The following CHRNB1 variants were observed in gnomAD, a reference collection of about 807,000 sequenced individuals.
The protein encoded by CHRNB1 is cholinergic receptor nicotinic beta 1 subunit.
CHRNB1 carries 47 observed loss-of-function variants against 53.8 expected under a neutral mutation model. The ratio of observed to expected loss-of-function variants is 0.87; its 90% confidence interval spans 0.69 to 1.11. CHRNB1 has a LOEUF of 1.11. Among genes scored for constraint, CHRNB1 ranks in the 50% most tolerant of loss-of-function variants. The probability of loss-of-function intolerance (pLI) is 0.00; values close to 1 mark genes in which losing one functional copy is unlikely to be tolerated. For synonymous variants in CHRNB1, 259 were observed against 263.5 expected, an observed-to-expected ratio of 0.98 and a Z score of 0.16; for missense variants, 605 against 654.9, an observed-to-expected ratio of 0.92 and a Z score of 0.83.
At chr17:7,453,571 CA>C (rs556911505) in intron 7 of CHRNB1, among the ~76,000 whole-genome samples, 194 of 147,178 alleles carry the variant, frequency 1.3e-3, no homozygotes, top group African/African-American at 4.5e-3. Context: ...ATGGCCCTTC[CA>C]AAAGCCTGTC....
intron 9 of CHRNB1, 69 bp downstream of exon 9, chr17:7,455,525 A>C: frequency 2.5e-6 from 4 of 1,586,518 alleles, no homozygotes; most frequent in Non-Finnish European, 3.5e-6. Flanking sequence ...AGTGTGCGGA[A>C]GAAGCGGCCC....
intron 3 of CHRNB1, 180 bp from the exon 4 acceptor site, chr17:7,446,653 T>C: frequency 1.6e-6 from 1 of 609,282 alleles, no homozygotes; most frequent in Non-Finnish European, 2.9e-6. Flanking sequence ...GGAGGGAAAT[T>C]AGCTGATGTG....
intron 3 of CHRNB1, 22 bp downstream of exon 3, chr17:7,446,135 G>C: frequency 1.2e-6 from 2 of 1,606,214 alleles, no homozygotes; most frequent in Admixed American, 3.3e-5. Flanking sequence ...CCACGGGGTG[G>C]GAAAGGGCTT....
In CHRNB1 at chr17:7,448,724, C is replaced by T. The variant is rs754596731; in HGVS notation, c.756C>T (p.Val252=). Residue 252 remains valine (V), a synonymous_variant, in exon 7 of 11, where the codon GTC becomes GTT. Transcript: ENST00000306071. ...AGCCTCTCTTCTACCTGGTCAACGT[C>T]ATTGCCCCATGCATCCTCATCACTC... is the stretch of plus-strand genomic sequence containing the variant. The part of the protein sequence containing the change: ...RRKPLFYLVN[V]IAPCILITLL... 20 of 1,614,166 alleles carry T rather than the reference C, an allele frequency of 1.2e-5. No individual in the cohort carries two copies. The highest frequency in any genetic ancestry group is 1.6e-5 in the Non-Finnish European group (19 of 1,180,064).
rs748537533 is a variant in CHRNB1, at chr17:7,445,148, G to A, written c.21G>A (p.Leu7=). The A allele has an allele frequency of 6.2e-7, 1 of 1,609,606 alleles. No individual in the cohort carries two copies. The highest frequency in any genetic ancestry group is 8.5e-7 in the Non-Finnish European group (1 of 1,179,616). The part of the protein sequence containing the change: MTPGAL[L]MLLGALGAPL... ...AGGCTATGACCCCAGGGGCTCTGCT[G>A]ATGCTGCTGGGGGCGCTGGGGGCGC... The change falls in exon 1 of 11, where the codon CTG becomes CTA. Residue 7 remains leucine (L), a synonymous_variant. Transcript: ENST00000306071. The surrounding 1 kb of genome is among the most constrained non-coding windows in gnomAD (Gnocchi z 5.7).
intron 9 of CHRNB1, 137 bp downstream of exon 9, chr17:7,455,593 C>G (rs532600013): frequency 1.6e-6 from 2 of 1,262,486 alleles, no homozygotes; most frequent in Non-Finnish European, 2.3e-6. Flanking sequence ...TCCTGCTGCT[C>G]ACTTTGAGGG....
intron 7 of CHRNB1, among the ~76,000 whole-genome samples, chr17:7,453,848 C>T (rs1288637660): frequency 6.6e-6 from 1 of 151,552 alleles, no homozygotes; most frequent in Non-Finnish European, 1.5e-5. Flanking sequence ...ATCACTTGAG[C>T]TCAGGAGTTT....
At chr17:7,451,644 C>T (rs986127444) in intron 7 of CHRNB1, among the ~76,000 whole-genome samples, 6 of 152,100 alleles carry the variant, frequency 3.9e-5, no homozygotes, top group Non-Finnish European at 7.4e-5. Context: ...ATGCACAGCT[C>T]TGCCAGGTGC....
At chr17:7,451,274 C>CTTTT (rs34769424) in intron 7 of CHRNB1, among the ~76,000 whole-genome samples, 138 of 91,982 alleles carry the variant, frequency 1.5e-3, no homozygotes, top group African/African-American at 2.1e-3. Flanking sequence ...CTTTTCTTTT[C>CTTTT]TTTTTTTTTT....
rs756024598 is a variant in CHRNB1 at position 7,448,759 on chromosome 17, T to C, written c.791T>C (p.Ile264Thr). 1.2e-6 allele frequency: 2 copies of C among 1,614,228 alleles called. No homozygotes were observed. The highest frequency in any genetic ancestry group is 4.5e-5 in the East Asian group (2 of 44,892). Residue 264 changes from isoleucine (I) to threonine (T), a missense_variant, in exon 7 of 11, where the codon ATC becomes ACC. Coordinates refer to ENST00000306071, the MANE Select transcript of CHRNB1 (RefSeq NM_000747.3). ...TGCATCCTCATCACTCTTCTGGCCA[T>C]CTTCGTCTTCTACCTGCCACCAGAT... The part of the protein sequence containing the change: ...APCILITLLA[I>T]FVFYLPPDAG...
chr17:7,453,168 A>G (rs1597753620), intron 7 of CHRNB1, among the ~76,000 whole-genome samples: 1 of 152,306 alleles, frequency 6.6e-6, no homozygotes, highest in East Asian at 1.9e-4. Context: ...CCCAGGCTGG[A>G]GTGCAATGGC....
At chr17:7,447,699 C>T (rs1353662797) in intron 6 of CHRNB1, 49 bp downstream of exon 6, 1 of 1,608,142 alleles carries the variant, frequency 6.2e-7, no homozygotes, top group Non-Finnish European at 8.5e-7. Context: ...TTTCCAGCTT[C>T]TAACAGACTC....
intron 7 of CHRNB1, among the ~76,000 whole-genome samples, chr17:7,449,179 C>G (rs1440767678): frequency 6.6e-6 from 1 of 150,698 alleles, no homozygotes; most frequent in African/African-American, 2.4e-5. Context: ...TCTCGGCTCA[C>G]TGCAAGCTCT....
Position 7,446,860 on chromosome 17 carries a change from G to A in CHRNB1, c.271G>A (p.Asp91Asn), listed in dbSNP as rs755732708. The A allele has an allele frequency of 3.2e-5, 52 of 1,613,856 alleles. No individual in the cohort carries two copies. In the South Asian group the frequency reaches 5.7e-4, roughly 18 times the overall value. ...GTGGACTGACTACAGGCTGAGCTGG[G>A]ACCCTGCGGAGCACGACGGCATCGA... is the stretch of plus-strand genomic sequence containing the variant. ...LEWTDYRLSWDPAEHDGIDSL... is the reference protein window; with the variant it reads ...LEWTDYRLSWNPAEHDGIDSL... The change falls in exon 4 of 11, where the codon GAC becomes AAC. Residue 91 changes from aspartate to asparagine, a missense_variant. Physicochemically the swap from Asp to Asn is conservative, Grantham distance 23. Coordinates refer to ENST00000306071, the MANE Select transcript of CHRNB1 (RefSeq NM_000747.3).
At chr17:7,455,677 A>C in intron 9 of CHRNB1, 117 bp from the exon 10 acceptor site, 1 of 1,428,006 alleles carries the variant, frequency 7.0e-7, no homozygotes. Flanking sequence ...AGGGAAAAGC[A>C]TGATGGGCTC....
intron 5 of CHRNB1, 129 bp downstream of exon 5, chr17:7,447,280 C>G (rs1908679616): frequency 1.1e-6 from 1 of 935,818 alleles, no homozygotes; most frequent in South Asian, 1.4e-5. Context: ...ACCCTCACCT[C>G]GTCTACCCTC....
rs1908571592 is a variant in CHRNB1 at position 7,445,542 on chromosome 17, G to A, written c.198+133G>A. On this transcript the variant is annotated intron_variant, in intron 2 of 10. Transcript: ENST00000306071. The surrounding 1 kb of genome is among the most constrained non-coding windows in gnomAD (Gnocchi z 5.7). ...AGGCTGAGATGGACCAGCCTTTGGT[G>A]AAGATTGGATCGAAATCAGACCAAT... 1 of 1,518,520 alleles carries A rather than the reference G, an allele frequency of 6.6e-7. No individual in the cohort carries two copies. Among genetic ancestry groups the A allele is most frequent in the Non-Finnish European group, 8.8e-7 (1 of 1,137,272 alleles). The allele number at this position is 1,518,520 out of a possible 1,614,324, so 94.1% of individuals were successfully genotyped here.
In CHRNB1 at chr17:7,454,515, C is replaced by T. The variant is rs201913823; in HGVS notation, c.1039C>T (p.Arg347Cys). 4.0e-5 allele frequency: 65 copies of T among 1,613,760 alleles called. No homozygotes were observed. In the Middle Eastern group the frequency reaches 9.9e-4, roughly 25 times the overall value. Reference protein sequence around the residue: ...PHTHQMPLWVRQIFIHKLPLY... With the variant: ...PHTHQMPLWVCQIFIHKLPLY... Reference sequence around the variant, plus strand: ...CACCCACCAAATGCCCCTTTGGGTCCGTCAGGTAAGAAAGATCTCCTCCTC... The same window carrying T: ...CACCCACCAAATGCCCCTTTGGGTCTGTCAGGTAAGAAAGATCTCCTCCTC... The change falls in exon 8 of 11, where the codon CGT becomes TGT. Residue 347 changes from arginine to cysteine, a missense_variant. Physicochemically the swap from Arg to Cys is radical, Grantham distance 180 (BLOSUM62 -3). Transcript: ENST00000306071.
At position 7,445,435 on chromosome 17, in the gene CHRNB1, C is replaced by T. The variant is rs1442228487; in HGVS notation, c.198+26C>T. Reference sequence around the variant, plus strand: ...GTGAGGGCGCGCGGGGGGTGGAGGTCAGGCCAGCCGACCGGCCGGGGGCGT... The same window carrying T: ...GTGAGGGCGCGCGGGGGGTGGAGGTTAGGCCAGCCGACCGGCCGGGGGCGT... On this transcript the variant is annotated intron_variant, in intron 2 of 10. Coordinates refer to ENST00000306071, the MANE Select transcript of CHRNB1 (RefSeq NM_000747.3). The surrounding 1 kb of genome is among the most constrained non-coding windows in gnomAD (Gnocchi z 5.7). 6.2e-7 allele frequency: 1 copy of T among 1,606,360 alleles called. No individual in the cohort carries two copies. Among genetic ancestry groups the T allele is most frequent in the Non-Finnish European group, 8.5e-7 (1 of 1,178,038 alleles).
Sources: allele counts gnomAD v4.1 joint callset (sites outside exome capture counted in the v4.1 genomes callset), GRCh38; gene constraint gnomAD v4.1.1; non-coding constraint Gnocchi (gnomAD v3.1); transcripts MANE v1.5; gene names NCBI Gene and HGNC (gene_info 2026-07-23, HGNC 2026-07-21).